The following SV2B variants were observed in gnomAD, a reference collection of about 807,000 sequenced individuals.
SV2B encodes solute carrier family 22 member B2.
Under a neutral mutation model 73.9 loss-of-function variants are expected in SV2B, and 41 were observed. The observed-to-expected ratio is 0.56, with a 90% CI of 0.43 to 0.72. SV2B has a LOEUF of 0.72. SV2B is among the 30% of genes least tolerant of loss of function. The pLI, the probability that SV2B is intolerant of heterozygous loss-of-function variation, is 0.00. For missense variants in SV2B, 764 were observed against 857.8 expected, an observed-to-expected ratio of 0.89 and a Z score of 1.37; for synonymous variants, 314 against 314.2, an observed-to-expected ratio of 1.00 and a Z score of 0.01.
intron 2 of SV2B, among the ~76,000 whole-genome samples, 160 bp downstream of exon 2, chr15:91,226,874 G>T (rs2046401859): frequency 6.6e-6 from 1 of 152,150 alleles, no homozygotes. Context: ...ACTTAAGTTT[G>T]CACAGCTAAT....
intron 1 of SV2B, among the ~76,000 whole-genome samples, chr15:91,192,094 G>C (rs1463724206): frequency 3.9e-5 from 6 of 151,998 alleles, no homozygotes; most frequent in African/African-American, 1.5e-4. Context: ...TTGATCTTTA[G>C]TTCTAGGATT....
rs866643757 is a variant in SV2B at position 91,301,877 on chromosome 15, G to A, written c.*9325G>A. Among the ~76,000 whole-genome samples, 1 of 152,088 alleles carries A rather than the reference G, an allele frequency of 6.6e-6. No homozygotes were observed. Among genetic ancestry groups the A allele is most frequent in the African/African-American group, 2.4e-5 (1 of 41,398 alleles). On this transcript the variant is annotated 3_prime_UTR_variant, in exon 13 of 13. Transcript: ENST00000394232. This position sits in a 1 kb window ranked among gnomAD's most constrained non-coding sequence, Gnocchi z 4.3. ...AAAGTTTTCAATTTGGGAGCATTTCGGATTTTTGACTTTTGGATTTGGATT... is the reference window on the plus strand; with the variant it reads ...AAAGTTTTCAATTTGGGAGCATTTCAGATTTTTGACTTTTGGATTTGGATT...
In SV2B at chr15:91,197,214, GT is replaced by G. The variant is rs1184490111; in HGVS notation, c.-391-28653del. On this transcript the variant is annotated intron_variant, in intron 1 of 12. Coordinates refer to ENST00000394232, the MANE Select transcript of SV2B (RefSeq NM_001323032.3). The surrounding 1 kb of genome is among the most constrained non-coding windows in gnomAD (Gnocchi z 4.9). Reference sequence around the variant, plus strand: ...ATTGTTTTGTTTTTGTGTTTTTTTTGTTTTTTGTTTTGTTTTGTTTTGTTTT... The same window carrying G: ...ATTGTTTTGTTTTTGTGTTTTTTTTGTTTTTGTTTTGTTTTGTTTTGTTTT... Among the ~76,000 whole-genome samples, 1 of 147,734 alleles carries G rather than the reference GT, an allele frequency of 6.8e-6. No individual in the cohort carries two copies. Among genetic ancestry groups the G allele is most frequent in the African/African-American group, 2.7e-5 (1 of 37,542 alleles).
At chr15:91,273,118 C>A (rs2048372237) in intron 9 of SV2B, among the ~76,000 whole-genome samples, 1 of 152,130 alleles carries the variant, frequency 6.6e-6, no homozygotes, top group South Asian at 2.1e-4. Context: ...CAGTCATGAG[C>A]CACCACGCCT....
intron 1 of SV2B, among the ~76,000 whole-genome samples, chr15:91,194,386 T>C (rs917039132): frequency 2.6e-5 from 4 of 152,166 alleles, no homozygotes; most frequent in Admixed American, 6.5e-5. Context: ...TTGGGCATAA[T>C]TGGGTTGCTT....
At chr15:91,213,333 G>T (rs897400098) in intron 1 of SV2B, among the ~76,000 whole-genome samples, 2 of 152,196 alleles carry the variant, frequency 1.3e-5, no homozygotes, top group African/African-American at 4.8e-5. Flanking sequence ...GGGAGATGCA[G>T]TTAGGGTGTA....
In SV2B at chr15:91,223,184, C is replaced by T. The variant is rs566912559; in HGVS notation, c.-391-2689C>T. ...CAGTCATATTGGATTAGGAGCCATC[C>T]GAATGATCTCATCTTAACTTGATTA... On this transcript the variant is annotated intron_variant, in intron 1 of 12. Transcript: ENST00000394232. The surrounding 1 kb of genome is among the most constrained non-coding windows in gnomAD (Gnocchi z 4.6). Among the ~76,000 whole-genome samples the T allele has an allele frequency of 6.6e-5, 10 of 152,180 alleles. No homozygotes were observed. The highest frequency in any genetic ancestry group is 4.2e-4 in the South Asian group (2 of 4,812).
intron 1 of SV2B, among the ~76,000 whole-genome samples, chr15:91,181,837 G>A (rs575947147): frequency 5.4e-4 from 82 of 151,642 alleles, no homozygotes; most frequent in African/African-American, 1.8e-3. Context: ...GAAAATTCAC[G>A]GCATCTGGTC....
rs138295765 is a variant in SV2B at position 91,224,269 on chromosome 15, G to T, written c.-391-1604G>T. On this transcript the variant is annotated intron_variant, in intron 1 of 12. Coordinates refer to ENST00000394232, the MANE Select transcript of SV2B (RefSeq NM_001323032.3). The surrounding 1 kb of genome is among the most constrained non-coding windows in gnomAD (Gnocchi z 4.9). ...AGTGGATTTCAGGTGTGACAGGGAGGCCTGTAAAGGTTGATGGGGTCTGTA... is the reference window on the plus strand; with the variant it reads ...AGTGGATTTCAGGTGTGACAGGGAGTCCTGTAAAGGTTGATGGGGTCTGTA... Among the ~76,000 whole-genome samples, 253 of 152,320 alleles carry T rather than the reference G, an allele frequency of 1.7e-3. No homozygotes were observed. Among genetic ancestry groups the T allele is most frequent in the Non-Finnish European group, 2.8e-3 (188 of 68,014 alleles).
intron 1 of SV2B, among the ~76,000 whole-genome samples, chr15:91,134,003 C>CTTTTTTTTTTTTTTTTTTTT (rs1567278795): frequency 2.6e-4 from 13 of 49,308 alleles, no homozygotes; most frequent in African/African-American, 2.3e-4. Context: ...TTTCTTTCTT[C>CTTTTTTTTTTTTTTTTTTTT]CTTTTTTTTT....
At chr15:91,207,845 T>C (rs1314117848) in intron 1 of SV2B, among the ~76,000 whole-genome samples, 1 of 152,190 alleles carries the variant, frequency 6.6e-6, no homozygotes, top group African/African-American at 2.4e-5. Context: ...CAGTTTCTTC[T>C]TGACAACCTA....
At chr15:91,100,253 C>A (rs1305021511), upstream of SV2B, 2 of 152,088 alleles carry the variant, frequency 1.3e-5, no homozygotes, top group African/African-American at 4.8e-5. This position sits in a 1 kb window ranked among gnomAD's most constrained non-coding sequence, Gnocchi z 6.4. Flanking sequence ...CGGCGCCTGC[C>A]TCCGCCCGGA....
chr15:91,124,626 T>G lies in SV2B; in HGVS notation c.-392+24263T>G, dbSNP rs1205525036. Reference sequence around the variant, plus strand: ...TAACAAAACACCATGGAACGGGTGATCTAAACAACAGAAATTTCTTTCTTT... The same window carrying G: ...TAACAAAACACCATGGAACGGGTGAGCTAAACAACAGAAATTTCTTTCTTT... On this transcript the variant is annotated intron_variant, in intron 1 of 12. Coordinates refer to ENST00000394232, the MANE Select transcript of SV2B (RefSeq NM_001323032.3). The surrounding 1 kb of genome is among the most constrained non-coding windows in gnomAD (Gnocchi z 4.6). 6.6e-6 allele frequency among the ~76,000 whole-genome samples: 1 copy of G among 152,132 alleles called. No homozygotes were observed. Among genetic ancestry groups the G allele is most frequent in the Non-Finnish European group, 1.5e-5 (1 of 68,020 alleles).
At position 91,281,709 on chromosome 15, in the gene SV2B, G is replaced by T; in HGVS notation, c.1374-19G>T. On this transcript the variant is annotated intron_variant, in intron 9 of 12. Transcript: ENST00000394232. The surrounding 1 kb of genome is among the most constrained non-coding windows in gnomAD (Gnocchi z 4.7). ...TTTTTTCTCAGATGAATCACTCAAG[G>T]GTCAACCTCTTCCCACAGGTTCACA... 2 of 1,575,426 alleles carry T rather than the reference G, an allele frequency of 1.3e-6. No individual in the cohort carries two copies. Among genetic ancestry groups the T allele is most frequent in the Non-Finnish European group, 1.7e-6 (2 of 1,154,560 alleles).
intron 9 of SV2B, among the ~76,000 whole-genome samples, chr15:91,276,912 C>T (rs1258449634): frequency 8.4e-6 from 1 of 118,706 alleles, no homozygotes; most frequent in Non-Finnish European, 1.8e-5. Context: ...ATCTCTGCCT[C>T]CCAGTTCAAG....
rs932921335 is a variant in SV2B at position 91,227,740 on chromosome 15, A to G, written c.451+1026A>G. 6.6e-6 allele frequency among the ~76,000 whole-genome samples: 1 copy of G among 152,226 alleles called. No homozygotes were observed. Among genetic ancestry groups the G allele is most frequent in the Non-Finnish European group, 1.5e-5 (1 of 68,030 alleles). On this transcript the variant is annotated intron_variant, in intron 2 of 12. Transcript: ENST00000394232. The surrounding 1 kb of genome is among the most constrained non-coding windows in gnomAD (Gnocchi z 4.5). ...TTTGTCTCTCAAATAATTTGCATGT[A>G]GTTGAACAAACAGACATTAACAAAC... is the stretch of plus-strand genomic sequence containing the variant.
At chr15:91,172,501 A>G (rs1424152714) in intron 1 of SV2B, among the ~76,000 whole-genome samples, 1 of 152,212 alleles carries the variant, frequency 6.6e-6, no homozygotes, top group Non-Finnish European at 1.5e-5. Flanking sequence ...TTCTTCTGGC[A>G]TATGGGATCC....
chr15:91,206,682 G>A (rs1219394745), intron 1 of SV2B, among the ~76,000 whole-genome samples: 1 of 152,162 alleles, frequency 6.6e-6, no homozygotes, highest in Non-Finnish European at 1.5e-5. Context: ...CCATTAAAAG[G>A]ATAATGGAGT....
At chr15:91,285,088 G>A (rs1480877907) in intron 11 of SV2B, among the ~76,000 whole-genome samples, 1 of 152,158 alleles carries the variant, frequency 6.6e-6, no homozygotes, top group East Asian at 1.9e-4. Flanking sequence ...GCAGCAACGT[G>A]CAAAAGGAAA....
Sources: allele counts gnomAD v4.1 joint callset (sites outside exome capture counted in the v4.1 genomes callset), GRCh38; gene constraint gnomAD v4.1.1; non-coding constraint Gnocchi (gnomAD v3.1); transcripts MANE v1.5; gene names NCBI Gene and HGNC (gene_info 2026-07-23, HGNC 2026-07-21).